KDELR3: variants seen among roughly 807,000 people sequenced by gnomAD.
The protein encoded by KDELR3 is ER lumen protein-retaining receptor 3.
A neutral mutation model predicts 22.7 loss-of-function variants in KDELR3; 26 were observed. The ratio of observed to expected loss-of-function variants is 1.15; its 90% CI spans 0.84 to 1.59. The LOEUF (loss-of-function observed/expected upper bound fraction) is 1.59. Ranked by LOEUF, KDELR3 falls within the 40% of genes most tolerant of loss-of-function variation. The pLI, the probability that KDELR3 is intolerant of heterozygous loss-of-function variation, is 0.00. For synonymous variants in KDELR3, 120 were observed against 98.2 expected (o/e 1.22, Z -1.31); for missense variants, 289 against 251.1 (o/e 1.15, Z -1.02).
At chr22:38,474,161 G>T (rs111255307) in intron 1 of KDELR3, among the ~76,000 whole-genome samples, 2 of 152,020 alleles carry the variant, frequency 1.3e-5, no homozygotes, top group Admixed American at 6.6e-5. Context: ...TGGAACTCTG[G>T]GGGTGGAGTG....
chr22:38,474,644 G>A (rs1178433206), intron 2 of KDELR3, 21 bp downstream of exon 2: 1 of 1,591,352 alleles, frequency 6.3e-7, no homozygotes, highest in Non-Finnish European at 8.6e-7. Context: ...GGGTGATGAT[G>A]GTTGGGGGAA....
Position 38,482,500 on chromosome 22 carries a change from T to C in KDELR3, c.609T>C (p.Leu203=), listed in dbSNP as rs1569134519. 6.8e-6 allele frequency: 11 copies of C among 1,612,042 alleles called. No homozygotes were observed. Among genetic ancestry groups the C allele is most frequent in the Non-Finnish European group, 9.3e-6 (11 of 1,178,046 alleles). ...DFFYLYVTKV[L]KGKKLSLPMP... is the part of the protein sequence containing the mutation. ...TTCATCTCCATTTTCTTCCAGTCCT[T>C]AAGGGAAAGAAGTTAAGTCTTCCAA... Residue 203 remains leucine, a synonymous_variant, in exon 5 of 5, where the codon CTT becomes CTC. Coordinates refer to ENST00000216014, the MANE Select transcript of KDELR3 (RefSeq NM_006855.4).
chr22:38,470,123 CTTCTTT>C (rs2089515857), intron 1 of KDELR3, among the ~76,000 whole-genome samples: 1 of 146,128 alleles, frequency 6.8e-6, no homozygotes. Flanking sequence ...ACTGCGCCCA[CTTCTTT>C]TTTTTTTTTT....
chr22:38,479,596 GT>G lies in KDELR3; in HGVS notation c.201del (p.Leu68SerfsTer10). 2 of 1,612,366 alleles carry G rather than the reference GT, an allele frequency of 1.2e-6. No homozygotes were observed. Among genetic ancestry groups the G allele is most frequent in the Non-Finnish European group, 1.7e-6 (2 of 1,178,442 alleles). On this transcript the variant is annotated frameshift_variant, in exon 3 of 5. Coordinates refer to ENST00000216014, the MANE Select transcript of KDELR3 (RefSeq NM_006855.4). LOFTEE classifies it high-confidence loss of function. The stretch of plus-strand genomic sequence containing the variant: ...CCATGTCTCTCTCCCCTTTTAGGTG[GT>G]TTTTCTCCTCTGTGCCTATGTTACA... ...ISIYNTVMKV[V>X]FLLCAYVTVY...
At chr22:38,469,520 C>T (rs1389985638) in intron 1 of KDELR3, among the ~76,000 whole-genome samples, 2 of 152,120 alleles carry the variant, frequency 1.3e-5, no homozygotes, top group Admixed American at 6.5e-5. Context: ...TGGTTCTAGG[C>T]CTGGAGGCCA....
chr22:38,469,612 G>A (rs960580172), intron 1 of KDELR3, among the ~76,000 whole-genome samples: 6 of 152,060 alleles, frequency 3.9e-5, no homozygotes, highest in Non-Finnish European at 7.4e-5. Context: ...AATGCTGAGT[G>A]GGGGACCCGG....
chr22:38,483,380 C>CTGTT lies in KDELR3; in HGVS notation c.*846_*849dup, dbSNP rs1276376744. 6.6e-6 allele frequency: 1 copy of CTGTT among 152,152 alleles called. No individual in the cohort carries two copies. The highest frequency in any genetic ancestry group is 6.5e-5 in the Admixed American group (1 of 15,268). 9.4% of individuals were successfully genotyped at this position (152,152 alleles called of 1,614,324 possible). A position where few individuals can be genotyped will look rare whatever the true frequency, so the allele number is the denominator to read the frequency against. ...CCCCATCTTTGTCTTGAAACAAAAA[C>CTGTT]TGTTTTAAGACGTCTACGTTGAATT... On this transcript the variant is annotated 3_prime_UTR_variant, in exon 5 of 5. Transcript: ENST00000216014.
chr22:38,481,809 AT>A (rs1156897789), intron 4 of KDELR3, among the ~76,000 whole-genome samples: 5 of 152,240 alleles, frequency 3.3e-5, no homozygotes, highest in African/African-American at 1.2e-4. Flanking sequence ...AAACCTGGAG[AT>A]GAGTCAACCA....
At chr22:38,477,371 A>C (rs543628822) in intron 2 of KDELR3, among the ~76,000 whole-genome samples, 38 of 148,188 alleles carry the variant, frequency 2.6e-4, no homozygotes, top group Non-Finnish European at 4.8e-4. Flanking sequence ...TGCCTGGCTA[A>C]TTTTTGTATT....
chr22:38,481,091 A>T, intron 3 of KDELR3, 121 bp from the exon 4 acceptor site: 1 of 828,844 alleles, frequency 1.2e-6, no homozygotes, highest in Non-Finnish European at 1.9e-6. Context: ...ATTTTTATTG[A>T]GAACTTTTTC....
Position 38,479,629 on chromosome 22 carries a change from A to G in KDELR3, c.229A>G (p.Met77Val). 1.9e-6 allele frequency: 3 copies of G among 1,614,022 alleles called. No individual in the cohort carries two copies. Among genetic ancestry groups the G allele is most frequent in the Non-Finnish European group, 8.5e-7 (1 of 1,179,902 alleles). ...FLLCAYVTVY[M>V]IYGKFRKTFD... ...CCTCTGTGCCTATGTTACAGTGTAC[A>G]TGATATATGGGAAATTCCGTAAAAC... Residue 77 changes from methionine to valine, a missense_variant, in exon 3 of 5, where the codon ATG (methionine) becomes GTG (valine). Met to Val is a conservative substitution (Grantham distance 21, BLOSUM62 1). Coordinates refer to ENST00000216014, the MANE Select transcript of KDELR3 (RefSeq NM_006855.4).
chr22:38,480,962 T>G (rs1012793894), intron 3 of KDELR3, among the ~76,000 whole-genome samples: 1 of 151,934 alleles, frequency 6.6e-6, no homozygotes, highest in East Asian at 1.9e-4. Context: ...TAGTTTTCTA[T>G]ATAAATGCTC....
intron 1 of KDELR3, among the ~76,000 whole-genome samples, chr22:38,473,092 T>C (rs974668981): frequency 1.3e-5 from 2 of 151,912 alleles, no homozygotes; most frequent in Admixed American, 1.3e-4. Flanking sequence ...TCTTTCAAAA[T>C]AAAAAGTTAA....
At position 38,474,524 on chromosome 22, in the gene KDELR3, C is replaced by G; in HGVS notation, c.93C>G (p.Gly31=). 6.2e-7 allele frequency: 1 copy of G among 1,613,370 alleles called. No individual in the cohort carries two copies. The highest frequency in any genetic ancestry group is 8.5e-7 in the Non-Finnish European group (1 of 1,179,548). The part of the protein sequence containing the change: ...GKIWRSKCCK[G]ISGKSQILFA... ...TCTCCTGTCTACCCTTGGCCACAGGCATCTCTGGGAAGAGCCAGATCCTGT... is the reference window on the plus strand; with the variant it reads ...TCTCCTGTCTACCCTTGGCCACAGGGATCTCTGGGAAGAGCCAGATCCTGT... Residue 31 remains glycine, a splice_region_variant and synonymous_variant, in exon 2 of 5, where the codon GGC becomes GGG. Coordinates refer to ENST00000216014, the MANE Select transcript of KDELR3 (RefSeq NM_006855.4).
At chr22:38,475,463 G>C (rs940666168) in intron 2 of KDELR3, among the ~76,000 whole-genome samples, 1 of 152,098 alleles carries the variant, frequency 6.6e-6, no homozygotes, top group Admixed American at 6.6e-5. Flanking sequence ...GGGCAACAGA[G>C]TGAGATCCCG....
At chr22:38,474,183 C>T in intron 1 of KDELR3, 1 of 241,412 alleles carries the variant, frequency 4.1e-6, no homozygotes. Flanking sequence ...AGAGAAGCCT[C>T]AACAACCCCC....
At position 38,468,435 on chromosome 22, in the gene KDELR3, G is replaced by A; in HGVS notation, c.91+111G>A. On this transcript the variant is annotated intron_variant, in intron 1 of 4. Coordinates refer to ENST00000216014, the MANE Select transcript of KDELR3 (RefSeq NM_006855.4). Reference sequence around the variant, plus strand: ...CTGCTCAGGGTGGGGACTCCGGCGTGGGGGTCCTTGAAACTTTGCGGAGCT... The same window carrying A: ...CTGCTCAGGGTGGGGACTCCGGCGTAGGGGTCCTTGAAACTTTGCGGAGCT... The A allele has an allele frequency of 4.9e-6, 4 of 819,260 alleles. No individual in the cohort carries two copies. The South Asian group carries it at 6.0e-5, about 12-fold the overall frequency. 50.7% of individuals were successfully genotyped at this position (819,260 alleles called of 1,614,324 possible).
chr22:38,471,190 C>CA (rs1215152194), intron 1 of KDELR3, among the ~76,000 whole-genome samples: 2 of 152,186 alleles, frequency 1.3e-5, no homozygotes, highest in African/African-American at 4.8e-5. Context: ...CAAGGGTTCC[C>CA]AAAGTGCTAA....
At chr22:38,472,955 C>A (rs1276643170) in intron 1 of KDELR3, among the ~76,000 whole-genome samples, 1 of 152,130 alleles carries the variant, frequency 6.6e-6, no homozygotes, top group East Asian at 1.9e-4. Flanking sequence ...CCCGCCTCGG[C>A]CTCCCAAAGT....
Sources: allele counts gnomAD v4.1 joint callset (sites outside exome capture counted in the v4.1 genomes callset), GRCh38; gene constraint gnomAD v4.1.1; transcripts MANE v1.5; gene names NCBI Gene and HGNC (gene_info 2026-07-23, HGNC 2026-07-21).